The following ACER1 variants were observed in gnomAD, a reference collection of about 807,000 sequenced individuals.
The protein encoded by ACER1 is CTB-180A7.3.
Under a neutral mutation model 24.9 loss-of-function variants are expected in ACER1, and 28 were observed. That is an observed-to-expected ratio of 1.13 (90% CI 0.83 to 1.54). The LOEUF (loss-of-function observed/expected upper bound fraction) is 1.54. ACER1 is among the 40% of genes most tolerant of loss of function. The probability of loss-of-function intolerance (pLI) is 0.00; values close to 1 mark genes in which losing one functional copy is unlikely to be tolerated. For synonymous variants in ACER1, 132 were observed against 131.4 expected (o/e 1.00, Z -0.03); for missense variants, 352 against 349.3 (o/e 1.01, Z -0.06).
Position 6,309,769 on chromosome 19 carries a change from G to GAA in ACER1, c.415_416insTT (p.Pro139LeufsTer35), listed in dbSNP as rs758358847. 1 of 1,614,126 alleles carries GAA rather than the reference G, an allele frequency of 6.2e-7. No individual in the cohort carries two copies. Among genetic ancestry groups the GAA allele is most frequent in the Non-Finnish European group, 8.5e-7 (1 of 1,180,008 alleles). ...GTTGAGGGCGTAGGCGTTGACCGTG[G>GAA]GCCGCAGGAAGGACAGAAGGGTGCT... On this transcript the variant is annotated frameshift_variant, in exon 4 of 6. Coordinates refer to ENST00000301452, the MANE Select transcript of ACER1 (RefSeq NM_133492.3). LOFTEE classifies it high-confidence loss of function.
the ACER1 span, among the ~76,000 whole-genome samples, chr19:6,353,706 T>A: frequency 6.6e-6 from 1 of 151,714 alleles, no homozygotes; most frequent in Non-Finnish European, 1.5e-5. Context: ...GTGCATGTAA[T>A]CCCAGCTACT....
chr19:6,334,157 G>A (rs538318550), upstream of ACER1, among the ~76,000 whole-genome samples: 4 of 150,542 alleles, frequency 2.7e-5, no homozygotes, highest in South Asian at 2.2e-4. Context: ...CCATTCTCCC[G>A]CCTCAGCCTC....
intron 1 of ACER1, among the ~76,000 whole-genome samples, chr19:6,330,106 C>T (rs1186507348): frequency 2.6e-5 from 4 of 151,558 alleles, no homozygotes; most frequent in South Asian, 2.1e-4. Flanking sequence ...TTCTTGACCT[C>T]GTGATCTGCC....
chr19:6,338,372 A>AT (rs1317009978), upstream of ACER1, among the ~76,000 whole-genome samples: 1 of 152,160 alleles, frequency 6.6e-6, no homozygotes, highest in Non-Finnish European at 1.5e-5. Context: ...ATTTGCTCCC[A>AT]TTTTTCTGAG....
In ACER1 at chr19:6,311,307, GC is replaced by G. The variant is rs553992428; in HGVS notation, c.350+841del. On this transcript the variant is annotated intron_variant, in intron 3 of 5. Transcript: ENST00000301452. ...GCCTGTAATCCCAGCACTTTGGGAG[GC>G]CAAGGCAGGTGGATCACTTGAGATC... Among the ~76,000 whole-genome samples, 255 of 152,160 alleles carry G rather than the reference GC, an allele frequency of 1.7e-3. 2 individuals are homozygous for G. Among genetic ancestry groups the G allele is most frequent in the African/African-American group, 5.9e-3 (247 of 41,518 alleles).
intron 4 of ACER1, 79 bp downstream of exon 4, chr19:6,309,618 C>A (rs1169291279): frequency 4.4e-6 from 7 of 1,576,894 alleles, no homozygotes; most frequent in South Asian, 1.1e-5. Flanking sequence ...GAAGGGACGT[C>A]CCCTCCGCGA....
chr19:6,310,126 C>A (rs900583630), intron 3 of ACER1, among the ~76,000 whole-genome samples: 1 of 151,618 alleles, frequency 6.6e-6, no homozygotes, highest in African/African-American at 2.4e-5. Flanking sequence ...CTCGCTCTGT[C>A]GCCCAGGCTG....
intron 1 of ACER1, among the ~76,000 whole-genome samples, chr19:6,329,572 C>A (rs918645517): frequency 1.3e-5 from 2 of 152,008 alleles, no homozygotes; most frequent in Non-Finnish European, 2.9e-5. Context: ...CAGCCTTACC[C>A]GGTAGCTACA....
At chr19:6,336,836 A>AT (rs1347214281), upstream of ACER1, among the ~76,000 whole-genome samples, 1 of 149,940 alleles carries the variant, frequency 6.7e-6, no homozygotes, top group Non-Finnish European at 1.5e-5. Flanking sequence ...AAAAAAAAAA[A>AT]AGAAAAAGAA....
chr19:6,359,059 C>T, the ACER1 span, among the ~76,000 whole-genome samples: 1 of 151,912 alleles, frequency 6.6e-6, no homozygotes, highest in African/African-American at 2.4e-5. Flanking sequence ...TAGGGAGACC[C>T]TGTCTCTACA....
chr19:6,357,474 T>G, the ACER1 span, among the ~76,000 whole-genome samples: 1 of 151,672 alleles, frequency 6.6e-6, no homozygotes, highest in African/African-American at 2.4e-5. Context: ...GAACCGCAGT[T>G]CAATTTAGGT....
intron 1 of ACER1, among the ~76,000 whole-genome samples, chr19:6,316,921 A>C (rs986271770): frequency 7.3e-5 from 11 of 151,156 alleles, no homozygotes; most frequent in African/African-American, 2.7e-4. Flanking sequence ...AAAGAAAAAC[A>C]TGAAACTGTC....
At chr19:6,355,650 C>T in the ACER1 span, among the ~76,000 whole-genome samples, 2 of 146,932 alleles carry the variant, frequency 1.4e-5, no homozygotes, top group African/African-American at 5.2e-5. Context: ...CCCGGCCAGC[C>T]GCCCCGTCCG....
rs768274846 is a variant in ACER1, at chr19:6,312,488, G to A, written c.105C>T (p.Ile35=). 5.0e-6 allele frequency: 8 copies of A among 1,613,538 alleles called. No homozygotes were observed. In the African/African-American group the frequency reaches 1.1e-4, roughly 22 times the overall value. ...TCAGTGGCCCGAAGATGAAGAAGGG[G>A]ATATTGGAGAACTGGAGCAGAGAGA... ...VAEFYNTFSN[I]PFFIFGPLMM... Residue 35 remains isoleucine, a synonymous_variant, in exon 2 of 6, where the codon ATC becomes ATT. Transcript: ENST00000301452.
At chr19:6,312,059 G>A in intron 3 of ACER1, 90 bp downstream of exon 3, 1 of 1,490,358 alleles carries the variant, frequency 6.7e-7, no homozygotes, top group Middle Eastern at 2.5e-4. Flanking sequence ...GAGGGTCAAG[G>A]GTGGGGACCC....
At position 6,327,460 on chromosome 19, in the gene ACER1, G is replaced by T. The variant is rs1056443261; in HGVS notation, c.93+5999C>A. On this transcript the variant is annotated intron_variant, in intron 1 of 5. Coordinates refer to ENST00000301452, the MANE Select transcript of ACER1 (RefSeq NM_133492.3). ...GGCGTCTGTAGTCCCAGCTACTCGG[G>T]AGGCTGAGGCAGGAGAATGGTGTGA... Among the ~76,000 whole-genome samples, 16 of 152,180 alleles carry T rather than the reference G, an allele frequency of 1.1e-4. 2 individuals are homozygous for T. Among genetic ancestry groups the T allele is most frequent in the African/African-American group, 1.4e-4 (6 of 41,550 alleles).
the ACER1 span, among the ~76,000 whole-genome samples, chr19:6,347,109 A>AAAAAAAATAT: frequency 7.6e-4 from 86 of 113,772 alleles, 1 homozygote; most frequent in African/African-American, 4.1e-3. Context: ...AAAAAAAAAA[A>AAAAAAAATAT]ATATATATAT....
At chr19:6,343,507 A>G in the ACER1 span, among the ~76,000 whole-genome samples, 17 of 151,620 alleles carry the variant, frequency 1.1e-4, no homozygotes, top group African/African-American at 4.1e-4. Context: ...GCCTCCACTC[A>G]CAAAATGTGG....
At chr19:6,340,314 AGGAAGGAAGGAAGGAAG>A in the ACER1 span, among the ~76,000 whole-genome samples, 5 of 34,430 alleles carry the variant, frequency 1.5e-4, 1 homozygote, top group African/African-American at 6.1e-4. Context: ...GAAGGAAGGA[AGGAAGGAAGGAAGGAAG>A]GAAGGAAGGA....
Sources: gnomAD v4.1 joint callset for allele counts (sites outside exome capture counted in the v4.1 genomes callset) on GRCh38, gnomAD v4.1.1 for gene constraint, MANE v1.5 for transcripts, NCBI Gene and HGNC (gene_info 2026-07-23, HGNC 2026-07-21) for gene names.